The following CTSV variants were observed in gnomAD, a reference collection of about 807,000 sequenced individuals.
The protein encoded by CTSV is cathepsin V.
In CTSV, 33 loss-of-function variants were observed where a neutral mutation model predicts 35.6. The ratio of observed to expected loss-of-function variants is 0.93; its 90% CI spans 0.70 to 1.24. The LOEUF (loss-of-function observed/expected upper bound fraction) is 1.24, where lower values mean the gene tolerates loss of function less well. Ranked by LOEUF, CTSV falls within the 50% of genes most tolerant of loss-of-function variation. CTSV has a pLI of 0.00. For synonymous variants in CTSV, 154 were observed against 147.1 expected (o/e 1.05, Z -0.34); for missense variants, 408 against 413.1 (o/e 0.99, Z 0.11).
intron 7 of CTSV, among the ~76,000 whole-genome samples, chr9:97,033,874 T>A (rs1487241981): frequency 6.6e-6 from 1 of 151,948 alleles, no homozygotes; most frequent in Non-Finnish European, 1.5e-5. Context: ...GGCAGGCGGA[T>A]CACATGAGGT....
intron 4 of CTSV, 29 bp downstream of exon 4, chr9:97,037,223 G>A: frequency 1.2e-6 from 2 of 1,604,294 alleles, no homozygotes; most frequent in Middle Eastern, 3.3e-4. Context: ...TTCCTGTGGA[G>A]ACAGGGTCTG....
At position 97,030,151 on chromosome 9, in the gene CTSV, GCT is replaced by G. The variant is rs890654341; in HGVS notation, c.*2796_*2797del. On this transcript the variant is annotated 3_prime_UTR_variant, in exon 8 of 8. Transcript: ENST00000259470. ...TTTAATACAGAAAAGTTTCTTCTTT[GCT>G]TTTTAGAAATTTTATCAGTTACAAA... The G allele has an allele frequency of 4.6e-5, 7 of 152,100 alleles. No homozygotes were observed. Among genetic ancestry groups the G allele is most frequent in the Non-Finnish European group, 7.4e-5 (5 of 68,012 alleles). 9.4% of individuals were successfully genotyped at this position (152,100 alleles called of 1,614,324 possible).
rs1828910485 is a variant in CTSV at position 97,039,078 on chromosome 9, C to T, written c.-18G>A. 1 of 152,738 alleles carries T rather than the reference C, an allele frequency of 6.5e-6. No individual in the cohort carries two copies. Among genetic ancestry groups the T allele is most frequent in the Admixed American group, 6.5e-5 (1 of 15,298 alleles). 9.5% of individuals were successfully genotyped at this position (152,738 alleles called of 1,614,324 possible). A position where few individuals can be genotyped will look rare whatever the true frequency, so the allele number is the denominator to read the frequency against. On this transcript the variant is annotated 5_prime_UTR_variant, in exon 1 of 8. Transcript: ENST00000259470. ...CTGGTCGGGGGCGCTCACCAGCAGC[C>T]GTCGCAGCTGCGCAGGCACCCTCAG...
Position 97,030,814 on chromosome 9 carries a change from TCAGCATGG to T in CTSV, c.*2127_*2134del, listed in dbSNP as rs1200361385. On this transcript the variant is annotated 3_prime_UTR_variant, in exon 8 of 8. Transcript: ENST00000259470. The stretch of plus-strand genomic sequence containing the variant: ...TCCTTGCTCTCATTCCGGTAAACCT[TCAGCATGG>T]CGTCATGGCCATCATGAACCTGTCA... 1 of 152,154 alleles carries T rather than the reference TCAGCATGG, an allele frequency of 6.6e-6. No individual in the cohort carries two copies. The highest frequency in any genetic ancestry group is 1.5e-5 in the Non-Finnish European group (1 of 68,032). The allele number at this position is 152,154 out of a possible 1,614,324, so 9.4% of individuals were successfully genotyped here.
At position 97,039,135 on chromosome 9, in the gene CTSV, G is replaced by T. The variant is rs369450503; in HGVS notation, c.-75C>A. ...AGCCTCTGAGATTACAGACGTCCGC[G>T]GTCTGGTGCAGGTTCGCCCGCCTCG... On this transcript the variant is annotated 5_prime_UTR_variant, in exon 1 of 8. Coordinates refer to ENST00000259470, the MANE Select transcript of CTSV (RefSeq NM_001333.4). The T allele has an allele frequency of 6.6e-6, 1 of 152,278 alleles. No homozygotes were observed. The highest frequency in any genetic ancestry group is 2.4e-5 in the African/African-American group (1 of 41,466). The allele number at this position is 152,278 out of a possible 1,614,324, so 9.4% of individuals were successfully genotyped here.
intron 5 of CTSV, 150 bp downstream of exon 5, chr9:97,036,373 G>C (rs1828850285): frequency 1.4e-6 from 1 of 714,954 alleles, no homozygotes; most frequent in African/African-American, 1.8e-5. Context: ...CTGGCCAAAG[G>C]CTAATAATTT....
intron 3 of CTSV, 21 bp from the exon 4 acceptor site, chr9:97,037,419 A>C: frequency 6.2e-7 from 1 of 1,613,860 alleles, no homozygotes; most frequent in Non-Finnish European, 8.5e-7. Context: ...AAGTAAATAA[A>C]ATGTTAAAAG....
chr9:97,038,443 A>ATCT, intron 1 of CTSV: 2 of 167,120 alleles, frequency 1.2e-5, no homozygotes, highest in Admixed American at 1.2e-4. Flanking sequence ...ATCCCCAAGG[A>ATCT]ACACCACCTC....
chr9:97,037,269 T>C lies in CTSV; in HGVS notation c.379A>G (p.Thr127Ala), dbSNP rs1302667834. The C allele has an allele frequency of 6.2e-7, 1 of 1,614,078 alleles. No homozygotes were observed. Among genetic ancestry groups the C allele is most frequent in the East Asian group, 2.2e-5 (1 of 44,882 alleles). Reference sequence around the variant, plus strand: ...TGTCTCACCTGATTCTTCACTGGCGTCACGTAGCCTTTCTTTCTCCAATCC... The same window carrying C: ...TGTCTCACCTGATTCTTCACTGGCGCCACGTAGCCTTTCTTTCTCCAATCC... Reference protein sequence around the residue: ...SVDWRKKGYVTPVKNQKQCGS... With the variant: ...SVDWRKKGYVAPVKNQKQCGS... Residue 127 changes from threonine to alanine, a missense_variant, in exon 4 of 8, where the codon ACG (threonine) becomes GCG (alanine). Transcript: ENST00000259470.
chr9:97,038,472 C>G (rs1172842643), intron 1 of CTSV: 3 of 162,898 alleles, frequency 1.8e-5, no homozygotes, highest in Non-Finnish European at 4.1e-5. Context: ...TTGGCTGATA[C>G]ACAGCAGGAG....
intron 4 of CTSV, 66 bp from the exon 5 acceptor site, chr9:97,036,813 G>A: frequency 8.1e-7 from 1 of 1,241,386 alleles, no homozygotes; most frequent in Non-Finnish European, 1.1e-6. Flanking sequence ...CCCCATAATT[G>A]AATTACCTTA....
intron 4 of CTSV, among the ~76,000 whole-genome samples, 191 bp from the exon 5 acceptor site, chr9:97,036,938 C>T (rs920734823): frequency 6.6e-6 from 1 of 151,854 alleles, no homozygotes; most frequent in African/African-American, 2.4e-5. Flanking sequence ...AACCCTGTCG[C>T]TACTAAAAAT....
At position 97,030,689 on chromosome 9, in the gene CTSV, T is replaced by G. The variant is rs1385605938; in HGVS notation, c.*2260A>C. ...AAGGCATGGGGTCTGGCTAGTTATC[T>G]GCAGCAGGAACATGTCCTTAAGGCA... is the stretch of plus-strand genomic sequence containing the variant. On this transcript the variant is annotated 3_prime_UTR_variant, in exon 8 of 8. Coordinates refer to ENST00000259470, the MANE Select transcript of CTSV (RefSeq NM_001333.4). The G allele has an allele frequency of 2.0e-5, 3 of 152,254 alleles. No homozygotes were observed. The highest frequency in any genetic ancestry group is 4.4e-5 in the Non-Finnish European group (3 of 68,044). 9.4% of individuals were successfully genotyped at this position (152,254 alleles called of 1,614,324 possible). A position where few individuals can be genotyped will look rare whatever the true frequency, so the allele number is the denominator to read the frequency against.
At chr9:97,037,228 G>A (rs1828868418) in intron 4 of CTSV, 24 bp downstream of exon 4, 1 of 1,606,664 alleles carries the variant, frequency 6.2e-7, no homozygotes, top group Non-Finnish European at 8.5e-7. Context: ...GTGGAGACAG[G>A]GTCTGAATCT....
chr9:97,034,115 T>C (rs1365208505), intron 7 of CTSV, among the ~76,000 whole-genome samples: 1 of 152,098 alleles, frequency 6.6e-6, no homozygotes, highest in Non-Finnish European at 1.5e-5. Flanking sequence ...AATAAACAAA[T>C]GAATGAATGA....
At chr9:97,033,849 G>T (rs979884173) in intron 7 of CTSV, among the ~76,000 whole-genome samples, 1 of 151,926 alleles carries the variant, frequency 6.6e-6, no homozygotes, top group Non-Finnish European at 1.5e-5. Context: ...TAATACCAGT[G>T]CTTTGGGAGG....
chr9:97,037,779 A>G (rs968154130), intron 2 of CTSV, 139 bp downstream of exon 2: 10 of 1,358,944 alleles, frequency 7.4e-6, no homozygotes, highest in African/African-American at 2.9e-5. Context: ...ATATATGCCC[A>G]TATTGCACCT....
rs1314889790 is a variant in CTSV, at chr9:97,031,696, T to C, written c.*1253A>G. 1.3e-5 allele frequency: 2 copies of C among 152,250 alleles called. No individual in the cohort carries two copies. The highest frequency in any genetic ancestry group is 4.8e-5 in the African/African-American group (2 of 41,478). The allele number at this position is 152,250 out of a possible 1,614,324, so 9.4% of individuals were successfully genotyped here. On this transcript the variant is annotated 3_prime_UTR_variant, in exon 8 of 8. Transcript: ENST00000259470. The stretch of plus-strand genomic sequence containing the variant: ...ATTCAGGGATTAGGTAGCCAGAGTC[T>C]GGCCTAGTGACTTCTGACCTTTCAC...
chr9:97,032,708 A>C lies in CTSV; in HGVS notation c.*241T>G, dbSNP rs1181565623. The stretch of plus-strand genomic sequence containing the variant: ...ACTGTTTTGTACATCTTTTTAAAAA[A>C]TGAAAATTCAAAAGTCTTAGAATTA... On this transcript the variant is annotated 3_prime_UTR_variant, in exon 8 of 8. Transcript: ENST00000259470. The C allele has an allele frequency of 1.1e-5, 4 of 379,936 alleles. No homozygotes were observed. The highest frequency in any genetic ancestry group is 2.1e-5 in the African/African-American group (1 of 48,276). 23.5% of individuals were successfully genotyped at this position (379,936 alleles called of 1,614,324 possible).
Sources: gnomAD v4.1 joint callset for allele counts (sites outside exome capture counted in the v4.1 genomes callset) on GRCh38, gnomAD v4.1.1 for gene constraint, MANE v1.5 for transcripts, NCBI Gene and HGNC (gene_info 2026-07-23, HGNC 2026-07-21) for gene names.